PCSK5: variants seen among roughly 807,000 people sequenced by gnomAD.
PCSK5 encodes the protein prohormone convertase 5.
Under a neutral mutation model 233.2 loss-of-function variants are expected in PCSK5, and 129 were observed. The observed-to-expected ratio is 0.55, with a 90% CI of 0.48 to 0.64. PCSK5 has a LOEUF of 0.64. Ranked by LOEUF, PCSK5 falls within the 30% of genes least tolerant of loss-of-function variation. The pLI is 0.00. For synonymous variants in PCSK5, 825 were observed against 879.2 expected (o/e 0.94, Z 1.09); for missense variants, 2,076 against 2,430.1 (o/e 0.85, Z 3.06).
intron 7 of PCSK5, among the ~76,000 whole-genome samples, chr9:76,081,741 AT>A (rs1335417857): frequency 2.0e-5 from 3 of 152,152 alleles, no homozygotes; most frequent in African/African-American, 7.2e-5. Flanking sequence ...TTTTATCAAC[AT>A]TTATGTATTC....
chr9:76,156,020 A>G (rs1183739156), intron 10 of PCSK5, among the ~76,000 whole-genome samples: 2 of 152,194 alleles, frequency 1.3e-5, no homozygotes, highest in African/African-American at 4.8e-5. Flanking sequence ...CATCGCGACA[A>G]TCAAGCTGAT....
At chr9:76,143,821 A>C (rs937815208) in intron 10 of PCSK5, among the ~76,000 whole-genome samples, 7 of 151,990 alleles carry the variant, frequency 4.6e-5, no homozygotes, top group African/African-American at 1.7e-4. Context: ...TGCTTCTTGA[A>C]AAATGTCAGG....
chr9:76,189,799 T>C, intron 20 of PCSK5, 53 bp downstream of exon 20: 2 of 653,104 alleles, frequency 3.1e-6, no homozygotes, highest in East Asian at 4.8e-5. Context: ...ATCTTTCTAC[T>C]TTCAGGACTA....
intron 1 of PCSK5, among the ~76,000 whole-genome samples, chr9:75,919,878 C>T (rs751805460): frequency 2.1e-4 from 32 of 152,142 alleles, no homozygotes; most frequent in Non-Finnish European, 3.7e-4. Context: ...GAACAAAAAG[C>T]ATCTCTGGGC....
At chr9:75,942,240 C>T (rs141975918) in intron 2 of PCSK5, among the ~76,000 whole-genome samples, 34 of 152,342 alleles carry the variant, frequency 2.2e-4, no homozygotes, top group African/African-American at 7.9e-4. Context: ...TCGACTTTTA[C>T]ATATCATTTT....
Position 76,362,339 on chromosome 9 carries a change from A to C in PCSK5, c.*3417A>C, listed in dbSNP as rs573671363. 8 of 152,240 alleles carry C rather than the reference A, an allele frequency of 5.3e-5. No individual in the cohort carries two copies. The highest frequency in any genetic ancestry group is 8.8e-5 in the Non-Finnish European group (6 of 68,040). The allele number at this position is 152,240 out of a possible 1,614,324, so 9.4% of individuals were successfully genotyped here. The stretch of plus-strand genomic sequence containing the variant: ...TTGGAAATAAAATTAAATCAAGACC[A>C]GATAATGCTATGGAGACTTACTTAT... On this transcript the variant is annotated 3_prime_UTR_variant, in exon 38 of 38. Transcript: ENST00000674117.
chr9:75,937,698 G>A (rs1016162718), intron 2 of PCSK5, among the ~76,000 whole-genome samples: 1 of 152,190 alleles, frequency 6.6e-6, no homozygotes, highest in Non-Finnish European at 1.5e-5. Flanking sequence ...TTGAACATCT[G>A]TTGTTTAGTG....
chr9:76,100,806 A>G (rs750362986), intron 8 of PCSK5, among the ~76,000 whole-genome samples: 6 of 152,284 alleles, frequency 3.9e-5, no homozygotes, highest in Non-Finnish European at 8.8e-5. Context: ...ACCTCTTGCA[A>G]AAAACTCAAG....
At chr9:76,131,989 T>C (rs1822778018) in intron 9 of PCSK5, among the ~76,000 whole-genome samples, 1 of 152,132 alleles carries the variant, frequency 6.6e-6, no homozygotes, top group Non-Finnish European at 1.5e-5. Flanking sequence ...TTCATGTTCA[T>C]TTGGGAGGAT....
At chr9:76,202,943 T>C (rs1156642195) in intron 20 of PCSK5, among the ~76,000 whole-genome samples, 1 of 152,140 alleles carries the variant, frequency 6.6e-6, no homozygotes, top group Non-Finnish European at 1.5e-5. Context: ...TGATAACTGT[T>C]ATGGATAGTT....
chr9:76,259,311 C>G (rs796887075), intron 24 of PCSK5, among the ~76,000 whole-genome samples: 8 of 152,284 alleles, frequency 5.3e-5, no homozygotes, highest in African/African-American at 1.9e-4. Flanking sequence ...GGGCCCTGCA[C>G]TAGCTATTCC....
At chr9:76,263,017 A>C (rs1267153472) in intron 24 of PCSK5, among the ~76,000 whole-genome samples, 1 of 152,196 alleles carries the variant, frequency 6.6e-6, no homozygotes, top group Admixed American at 6.5e-5. Flanking sequence ...ACCAAAAAAC[A>C]CATGAAAAAA....
chr9:75,985,341 T>A (rs186986174), intron 2 of PCSK5, among the ~76,000 whole-genome samples: 1 of 152,302 alleles, frequency 6.6e-6, no homozygotes, highest in East Asian at 1.9e-4. Context: ...AATATTAAGA[T>A]GTTTCTCCAA....
At chr9:75,953,374 G>A (rs538865080) in intron 2 of PCSK5, among the ~76,000 whole-genome samples, 5 of 152,258 alleles carry the variant, frequency 3.3e-5, no homozygotes, top group African/African-American at 1.2e-4. Context: ...ATATTTTATT[G>A]TGTTGCTATG....
intron 13 of PCSK5, among the ~76,000 whole-genome samples, chr9:76,173,996 A>C (rs1368446019): frequency 1.3e-5 from 2 of 152,094 alleles, no homozygotes; most frequent in Non-Finnish European, 2.9e-5. Context: ...GCTGTTTTGC[A>C]CATAGACCCA....
intron 9 of PCSK5, among the ~76,000 whole-genome samples, chr9:76,110,448 A>G (rs998985520): frequency 6.6e-6 from 1 of 152,226 alleles, no homozygotes; most frequent in African/African-American, 2.4e-5. Context: ...TCTTCCTTAC[A>G]TTCCAGATGT....
Position 76,313,061 on chromosome 9 carries a change from C to T in PCSK5, c.3884+2210C>T, listed in dbSNP as rs567572258. ...GTGCTAAGGGCTGTAAATGTATGAT[C>T]CCATTAATCCTCACAAGAATTCTCT... On this transcript the variant is annotated intron_variant, in intron 30 of 37. Transcript: ENST00000674117. Among the ~76,000 whole-genome samples the T allele has an allele frequency of 3.9e-5, 6 of 152,248 alleles. No homozygotes were observed. The South Asian group carries it at 1.2e-3, about 32-fold the overall frequency.
rs117841004 is a variant in PCSK5 at position 76,218,778 on chromosome 9, G to A, written c.2627-8725G>A. ...GGGACCCAAAAATGTAACCCAGGAC[G>A]GGATGACTCCAAAATGTGTGTCCTT... On this transcript the variant is annotated intron_variant, in intron 20 of 37. Coordinates refer to ENST00000674117, the MANE Select transcript of PCSK5 (RefSeq NM_001372043.1). Among the ~76,000 whole-genome samples the A allele has an allele frequency of 1.9e-4, 28 of 149,902 alleles. No homozygotes were observed. The East Asian group carries it at 3.9e-3, about 21-fold the overall frequency.
intron 27 of PCSK5, among the ~76,000 whole-genome samples, chr9:76,298,063 G>A (rs920011835): frequency 3.3e-5 from 5 of 152,138 alleles, no homozygotes; most frequent in Admixed American, 6.5e-5. Flanking sequence ...TGGCATTCAG[G>A]CATTTAAGAG....
Sources: gnomAD v4.1 joint callset for allele counts (sites outside exome capture counted in the v4.1 genomes callset) on GRCh38, gnomAD v4.1.1 for gene constraint, MANE v1.5 for transcripts, NCBI Gene and HGNC (gene_info 2026-07-23, HGNC 2026-07-21) for gene names.